CCDC171: variants seen among roughly 807,000 people sequenced by gnomAD.
CCDC171 encodes coiled-coil domain-containing protein 171.
In CCDC171, 177 loss-of-function variants were observed where a neutral mutation model predicts 168.2. The observed-to-expected ratio is 1.05, with a 90% CI of 0.93 to 1.19. The LOEUF (loss-of-function observed/expected upper bound fraction) is 1.19, where lower values mean the gene tolerates loss of function less well. Ranked by LOEUF, CCDC171 falls within the 50% of genes most tolerant of loss-of-function variation. The pLI is 0.00. For synonymous variants in CCDC171, 687 were observed against 540.8 expected (o/e 1.27, Z -3.75); for missense variants, 1,991 against 1,539.0 (o/e 1.29, Z -4.91).
At chr9:15,848,653 A>C (rs533165157) in intron 22 of CCDC171, among the ~76,000 whole-genome samples, 1 of 151,888 alleles carries the variant, frequency 6.6e-6, no homozygotes, top group Non-Finnish European at 1.5e-5. Context: ...CAGGCAACAA[A>C]ATTTAAGATA....
intron 9 of CCDC171, among the ~76,000 whole-genome samples, chr9:15,675,187 GTT>G (rs138989790): frequency 3.5e-3 from 267 of 75,542 alleles, no homozygotes; most frequent in African/African-American, 0.014. Context: ...TGCAACTCCT[GTT>G]TTTTTTTTTT....
chr9:15,908,804 G>C (rs923215136), intron 24 of CCDC171, among the ~76,000 whole-genome samples: 1 of 152,126 alleles, frequency 6.6e-6, no homozygotes, highest in African/African-American at 2.4e-5. Flanking sequence ...GCAAAAGTAG[G>C]AGCAAGTGAT....
At position 15,972,097 on chromosome 9, in the gene CCDC171, T is replaced by C. The variant is rs1223733420; in HGVS notation, c.*261T>C. On this transcript the variant is annotated 3_prime_UTR_variant, in exon 26 of 26. Transcript: ENST00000380701. ...TTAAATGTTAAGGAATGACACATTT[T>C]GGGTAATTTCCCTCAGACTTAAAAA... 6.9e-6 allele frequency: 3 copies of C among 434,490 alleles called. No homozygotes were observed. Among genetic ancestry groups the C allele is most frequent in the Non-Finnish European group, 1.2e-5 (3 of 245,296 alleles). 26.9% of individuals were successfully genotyped at this position (434,490 alleles called of 1,614,324 possible). A position where few individuals can be genotyped will look rare whatever the true frequency, so the allele number is the denominator to read the frequency against.
At chr9:15,623,475 G>GCGCACGCGCGCGCGCACA in intron 7 of CCDC171, 62 bp downstream of exon 7, 1 of 311,464 alleles carries the variant, frequency 3.2e-6, no homozygotes. Flanking sequence ...GCGCGCGCGC[G>GCGCACGCGCGCGCGCACA]CACACACACA....
rs528412289 is a variant in CCDC171, at chr9:15,645,011, C to G, written c.823-12116C>G. ...ATCCCCTAGTAGGGGCAGACTGATGCCTCACACGGCTGGGTACCCCTCTGT... is the reference window on the plus strand; with the variant it reads ...ATCCCCTAGTAGGGGCAGACTGATGGCTCACACGGCTGGGTACCCCTCTGT... On this transcript the variant is annotated intron_variant, in intron 7 of 25. Transcript: ENST00000380701. 1.2e-4 allele frequency among the ~76,000 whole-genome samples: 19 copies of G among 152,334 alleles called. No homozygotes were observed. The East Asian group carries it at 3.5e-3, about 28-fold the overall frequency.
intron 1 of CCDC171, chr9:16,060,607 C>CT (rs1282449141): frequency 6.6e-6 from 1 of 152,264 alleles, no homozygotes; most frequent in Non-Finnish European, 1.5e-5. Context: ...CCATTGATTG[C>CT]TTTTTAACCA....
chr9:15,677,935 G>A (rs1444778514), intron 9 of CCDC171, among the ~76,000 whole-genome samples: 15 of 69,394 alleles, frequency 2.2e-4, no homozygotes, highest in Non-Finnish European at 4.3e-4. Context: ...TAAGAGATGT[G>A]GTCTCATTCT....
intron 16 of CCDC171, among the ~76,000 whole-genome samples, chr9:15,740,993 A>G (rs1299967080): frequency 6.6e-6 from 1 of 152,136 alleles, no homozygotes; most frequent in Non-Finnish European, 1.5e-5. Flanking sequence ...TAGATTTTTT[A>G]CATTTCAGGC....
At chr9:15,670,165 G>A (rs2049011442) in intron 9 of CCDC171, among the ~76,000 whole-genome samples, 1 of 151,984 alleles carries the variant, frequency 6.6e-6, no homozygotes, top group Non-Finnish European at 1.5e-5. Flanking sequence ...TAGCAGCATG[G>A]TAGGAGCCAG....
intron 21 of CCDC171, among the ~76,000 whole-genome samples, chr9:15,805,676 T>C (rs1469187311): frequency 6.6e-6 from 1 of 152,126 alleles, no homozygotes; most frequent in Non-Finnish European, 1.5e-5. Context: ...GATTATGTGA[T>C]TGATTTTAAG....
chr9:16,064,753 C>G (rs1341501620), downstream of CCDC171, among the ~76,000 whole-genome samples: 1 of 152,168 alleles, frequency 6.6e-6, no homozygotes, highest in Non-Finnish European at 1.5e-5. Context: ...GGAGACCATG[C>G]CACTAAGAAA....
intron 10 of CCDC171, among the ~76,000 whole-genome samples, chr9:15,683,956 C>T (rs1247384380): frequency 2.0e-5 from 3 of 152,030 alleles, no homozygotes; most frequent in Admixed American, 6.5e-5. Flanking sequence ...TCATGGAATA[C>T]TGACATCCGT....
chr9:15,571,977 G>T (rs1161975573), intron 3 of CCDC171, among the ~76,000 whole-genome samples: 6 of 152,096 alleles, frequency 3.9e-5, no homozygotes, highest in Non-Finnish European at 8.8e-5. Flanking sequence ...TGTTATCTTA[G>T]ATTTATTTTA....
chr9:15,883,124 G>A, intron 24 of CCDC171: 1 of 398,244 alleles, frequency 2.5e-6, no homozygotes, highest in Non-Finnish European at 5.0e-6. Flanking sequence ...AAATGCCAGG[G>A]CTCAAGCAAT....
Position 15,819,330 on chromosome 9 carries a change from T to C in CCDC171, c.3268-27372T>C, listed in dbSNP as rs369070930. 1.0e-4 allele frequency among the ~76,000 whole-genome samples: 12 copies of C among 117,330 alleles called. 2 individuals are homozygous for C. In the East Asian group the frequency reaches 1.5e-3, roughly 15 times the overall value. The allele number at this position is 117,330 out of a possible 152,430, so 77.0% of individuals were successfully genotyped here. A position where few individuals can be genotyped will look rare whatever the true frequency, so the allele number is the denominator to read the frequency against. On this transcript the variant is annotated intron_variant, in intron 21 of 25. Transcript: ENST00000380701. ...CTAACATCATAATGACAGGATCAGA[T>C]TCACACATAACAATATTAACCTTAA...
chr9:15,791,518 A>G lies in CCDC171; in HGVS notation c.3267+6824A>G, dbSNP rs538449468. Among the ~76,000 whole-genome samples the G allele has an allele frequency of 9.6e-3, 1,459 of 152,266 alleles. 26 individuals carry two copies. Among genetic ancestry groups the G allele is most frequent in the African/African-American group, 0.034 (1,394 of 41,536 alleles). On this transcript the variant is annotated intron_variant, in intron 21 of 25. Coordinates refer to ENST00000380701, the MANE Select transcript of CCDC171 (RefSeq NM_173550.4). Reference sequence around the variant, plus strand: ...GGGCTGAGGTGATGTGGTTTTCTAGATATACAATCATGTCATCTGCAAACA... The same window carrying G: ...GGGCTGAGGTGATGTGGTTTTCTAGGTATACAATCATGTCATCTGCAAACA...
intron 7 of CCDC171, among the ~76,000 whole-genome samples, chr9:15,647,830 T>C (rs1253649296): frequency 6.6e-6 from 1 of 152,146 alleles, no homozygotes; most frequent in Non-Finnish European, 1.5e-5. Flanking sequence ...AAGGAGGAGT[T>C]GGTACCATTC....
intron 21 of CCDC171, among the ~76,000 whole-genome samples, chr9:15,836,448 C>T (rs1369054364): frequency 6.6e-6 from 1 of 152,172 alleles, no homozygotes; most frequent in African/African-American, 2.4e-5. Context: ...TTACTGCAAG[C>T]TCCGCCTCCC....
intron 7 of CCDC171, among the ~76,000 whole-genome samples, chr9:15,632,528 AAACAAATGGAAG>A (rs2045811390): frequency 6.6e-6 from 1 of 152,202 alleles, no homozygotes; most frequent in Admixed American, 6.5e-5. Flanking sequence ...AAGAGGATAC[AAACAAATGGAAG>A]AACATTCCAT....
Sources: allele counts gnomAD v4.1 joint callset (sites outside exome capture counted in the v4.1 genomes callset), GRCh38; gene constraint gnomAD v4.1.1; transcripts MANE v1.5; gene names NCBI Gene and HGNC (gene_info 2026-07-23, HGNC 2026-07-21).